PRKCE: variants seen among roughly 807,000 people sequenced by gnomAD.
The protein encoded by PRKCE is protein kinase C epsilon type.
In PRKCE, 16 loss-of-function variants were observed where a neutral mutation model predicts 85.4. That is an observed-to-expected ratio of 0.19 (90% CI 0.13 to 0.28). The LOEUF (loss-of-function observed/expected upper bound fraction) is 0.28. PRKCE is among the 10% of genes least tolerant of loss of function. The pLI is 1.00. For missense variants in PRKCE, 573 were observed against 975.2 expected, an observed-to-expected ratio of 0.59 and a Z score of 5.49; for synonymous variants, 388 against 371.5, an observed-to-expected ratio of 1.04 and a Z score of -0.51.
At chr2:46,054,407 C>G (rs1408093991) in intron 10 of PRKCE, among the ~76,000 whole-genome samples, 1 of 152,184 alleles carries the variant, frequency 6.6e-6, no homozygotes, top group African/African-American at 2.4e-5. Context: ...GAGCCAGGGT[C>G]TCTTGACACC....
chr2:46,047,287 G>A (rs921839839), intron 10 of PRKCE, among the ~76,000 whole-genome samples: 2 of 152,174 alleles, frequency 1.3e-5, no homozygotes, highest in African/African-American at 4.8e-5. Flanking sequence ...CTCATCTCCA[G>A]TTGGCCAAGG....
intron 1 of PRKCE, among the ~76,000 whole-genome samples, chr2:45,684,177 A>G (rs1345414988): frequency 6.6e-6 from 1 of 152,234 alleles, no homozygotes; most frequent in African/African-American, 2.4e-5. Flanking sequence ...ACCTGCTCCC[A>G]GGAGCTTCTG....
At chr2:45,701,816 T>A (rs1427335929) in intron 1 of PRKCE, among the ~76,000 whole-genome samples, 1 of 152,214 alleles carries the variant, frequency 6.6e-6, no homozygotes, top group African/African-American at 2.4e-5. Flanking sequence ...AACATCTGGA[T>A]TCTTAGAGAC....
intron 2 of PRKCE, among the ~76,000 whole-genome samples, chr2:45,904,978 C>T (rs887800819): frequency 6.6e-6 from 1 of 152,216 alleles, no homozygotes; most frequent in Non-Finnish European, 1.5e-5. Context: ...AGCTGGTAGC[C>T]TTTGTTGACC....
chr2:46,105,756 CTCACAACACTTGAGCT>C (rs770425342), intron 11 of PRKCE, among the ~76,000 whole-genome samples: 6 of 152,184 alleles, frequency 3.9e-5, no homozygotes, highest in Non-Finnish European at 7.3e-5. Context: ...TAAGCAGATA[CTCACAACACTTGAGCT>C]TACCACAATA....
intron 1 of PRKCE, among the ~76,000 whole-genome samples, chr2:45,797,869 C>G (rs1165141748): frequency 6.6e-6 from 1 of 152,216 alleles, no homozygotes; most frequent in East Asian, 1.9e-4. Context: ...CAGGCCTTCT[C>G]ATGGAACTCT....
chr2:45,979,746 C>T (rs1373067378), intron 4 of PRKCE, among the ~76,000 whole-genome samples: 1 of 152,188 alleles, frequency 6.6e-6, no homozygotes, highest in Non-Finnish European at 1.5e-5. Context: ...CAGCCACCTA[C>T]TGCCCACATT....
intron 1 of PRKCE, among the ~76,000 whole-genome samples, chr2:45,727,803 C>T (rs1037151321): frequency 5.3e-5 from 8 of 152,106 alleles, no homozygotes; most frequent in African/African-American, 1.4e-4. Flanking sequence ...TACAGGTGCC[C>T]GCCACCACAC....
At chr2:45,865,498 CTA>C (rs991297621) in intron 2 of PRKCE, among the ~76,000 whole-genome samples, 8 of 152,266 alleles carry the variant, frequency 5.3e-5, no homozygotes, top group African/African-American at 1.7e-4. Context: ...TTGAATAGTG[CTA>C]TGTGTTGAAT....
chr2:46,077,622 T>C lies in PRKCE; in HGVS notation c.1438-8586T>C, dbSNP rs1198705526. On this transcript the variant is annotated intron_variant, in intron 10 of 14. Transcript: ENST00000306156. The stretch of plus-strand genomic sequence containing the variant: ...GAGTTAGCAGGGGGTGAAGGCCTAG[T>C]AGAATAAGGGCTGAAAACATGTGAA... Among the ~76,000 whole-genome samples, 4 of 152,328 alleles carry C rather than the reference T, an allele frequency of 2.6e-5. No homozygotes were observed. The East Asian group carries it at 7.7e-4, about 29-fold the overall frequency.
At chr2:45,750,946 C>T (rs892180039) in intron 1 of PRKCE, among the ~76,000 whole-genome samples, 1 of 152,148 alleles carries the variant, frequency 6.6e-6, no homozygotes, top group South Asian at 2.1e-4. Context: ...ATCACGCACT[C>T]TTCATCTCAA....
At chr2:46,130,880 G>A (rs1262902937) in intron 11 of PRKCE, among the ~76,000 whole-genome samples, 3 of 152,220 alleles carry the variant, frequency 2.0e-5, no homozygotes, top group East Asian at 3.8e-4. Context: ...TGTACTTCGT[G>A]TGCGCACCCT....
chr2:45,954,884 G>C (rs2104367692), intron 2 of PRKCE, among the ~76,000 whole-genome samples: 1 of 152,174 alleles, frequency 6.6e-6, no homozygotes, highest in East Asian at 1.9e-4. Context: ...ATTACAGTGT[G>C]TTTGGTACCC....
chr2:45,861,849 A>T (rs1693184847), intron 2 of PRKCE, among the ~76,000 whole-genome samples: 1 of 152,242 alleles, frequency 6.6e-6, no homozygotes, highest in South Asian at 2.1e-4. Flanking sequence ...AACAACCATT[A>T]TAAAGTTTTA....
At chr2:45,727,386 G>A (rs1184673715) in intron 1 of PRKCE, among the ~76,000 whole-genome samples, 1 of 152,174 alleles carries the variant, frequency 6.6e-6, no homozygotes, top group East Asian at 1.9e-4. Flanking sequence ...CACAAAAGTG[G>A]GAGTGGGTAC....
intron 11 of PRKCE, among the ~76,000 whole-genome samples, chr2:46,088,223 C>A (rs1257194290): frequency 1.3e-5 from 2 of 152,170 alleles, no homozygotes; most frequent in Non-Finnish European, 2.9e-5. Context: ...ATATACCTTT[C>A]TCTCCTCACT....
chr2:45,760,927 T>G (rs754878758), intron 1 of PRKCE, among the ~76,000 whole-genome samples: 17 of 152,230 alleles, frequency 1.1e-4, no homozygotes, highest in Middle Eastern at 3.4e-3. Flanking sequence ...CCAAAACCCT[T>G]AGTATACTAT....
intron 2 of PRKCE, among the ~76,000 whole-genome samples, chr2:45,898,832 C>T (rs4953288): frequency 0.35 from 53,476 of 152,044 alleles, 10,026 homozygotes; most frequent in East Asian, 0.54. Context: ...TGAGGCCATG[C>T]CATGATGATC....
chr2:45,805,356 ATT>A (rs765914824), intron 1 of PRKCE, among the ~76,000 whole-genome samples: 39 of 152,204 alleles, frequency 2.6e-4, no homozygotes, highest in African/African-American at 8.2e-4. Flanking sequence ...TCATCACACA[ATT>A]ATAGATGAGT....
Sources: allele counts gnomAD v4.1 joint callset (sites outside exome capture counted in the v4.1 genomes callset), GRCh38; gene constraint gnomAD v4.1.1; transcripts MANE v1.5; gene names NCBI Gene and HGNC (gene_info 2026-07-23, HGNC 2026-07-21).